The following FHIP1A variants were observed in gnomAD, a reference collection of about 807,000 sequenced individuals.
FHIP1A encodes FHF complex subunit HOOK interacting protein 1A.
FHIP1A carries 61 observed loss-of-function variants against 88.6 expected under a neutral mutation model. The observed-to-expected ratio is 0.69, with a 90% CI of 0.56 to 0.85. The LOEUF (loss-of-function observed/expected upper bound fraction) is 0.85. Ranked by LOEUF, FHIP1A falls within the 40% of genes least tolerant of loss-of-function variation. The pLI, the probability that FHIP1A is intolerant of heterozygous loss-of-function variation, is 0.00. For missense variants in FHIP1A, 1,154 were observed against 1,273.5 expected (o/e 0.91, Z 1.43); for synonymous variants, 478 against 496.0 (o/e 0.96, Z 0.48).
At chr4:151,613,649 G>C (rs773562095) in intron 7 of FHIP1A, among the ~76,000 whole-genome samples, 1 of 152,242 alleles carries the variant, frequency 6.6e-6, no homozygotes, top group African/African-American at 2.4e-5. Context: ...CACCTGTGTA[G>C]TGTAGTTGTA....
At chr4:151,637,036 A>G (rs1259762946) in intron 8 of FHIP1A, among the ~76,000 whole-genome samples, 1 of 152,196 alleles carries the variant, frequency 6.6e-6, no homozygotes, top group Non-Finnish European at 1.5e-5. Flanking sequence ...ATTAATTTTC[A>G]ACAAGATTTC....
intron 7 of FHIP1A, among the ~76,000 whole-genome samples, chr4:151,624,603 A>G (rs1735881190): frequency 1.3e-5 from 2 of 152,172 alleles, no homozygotes; most frequent in Non-Finnish European, 2.9e-5. Context: ...AAGGGCAGAG[A>G]TTGGCTTTTA....
chr4:151,436,292 T>C (rs2709813), intron 1 of FHIP1A: 79,058 of 151,962 alleles, frequency 0.52, 20,868 homozygotes, highest in African/African-American at 0.55. Context: ...TTACATTAAA[T>C]AGAATCTTTT....
chr4:151,526,617 T>TC (rs1360655072), intron 3 of FHIP1A, among the ~76,000 whole-genome samples: 3 of 85,686 alleles, frequency 3.5e-5, no homozygotes, highest in African/African-American at 1.4e-4. Flanking sequence ...GAGGGGCTGA[T>TC]CCCCCCACCT....
At chr4:151,652,611 A>G (rs1170565677) in intron 11 of FHIP1A, among the ~76,000 whole-genome samples, 1 of 152,198 alleles carries the variant, frequency 6.6e-6, no homozygotes. Flanking sequence ...AAAGAAGTGT[A>G]CTCTTAGTGG....
At chr4:151,474,600 GT>G (rs1729635512) in intron 2 of FHIP1A, among the ~76,000 whole-genome samples, 1 of 152,316 alleles carries the variant, frequency 6.6e-6, no homozygotes, top group African/African-American at 2.4e-5. Flanking sequence ...AGAGCAAATA[GT>G]TTTTTCAAAG....
Position 151,656,134 on chromosome 4 carries a change from G to T in FHIP1A, c.2552-98G>T. On this transcript the variant is annotated intron_variant, in intron 11 of 13. Transcript: ENST00000435205. The surrounding 1 kb of genome is among the most constrained non-coding windows in gnomAD (Gnocchi z 4.2). ...GTCTGGCTTGCACCTGTGGGCCCAT[G>T]GTGGTTTGGGAGATGTGGCACCGAT... 2.1e-6 allele frequency: 2 copies of T among 954,752 alleles called. No individual in the cohort carries two copies. The highest frequency in any genetic ancestry group is 2.3e-5 in the Admixed American group (1 of 43,722). The allele number at this position is 954,752 out of a possible 1,614,324, so 59.1% of individuals were successfully genotyped here. A position where few individuals can be genotyped will look rare whatever the true frequency, so the allele number is the denominator to read the frequency against.
In FHIP1A at chr4:151,668,297, C is replaced by T. The variant is rs1471262505; in HGVS notation, c.*5543C>T. The stretch of plus-strand genomic sequence containing the variant: ...CAATAGTCACCATGTGGAAACTATG[C>T]AACTAAATTCAATGGAAATGAAAGA... On this transcript the variant is annotated 3_prime_UTR_variant, in exon 14 of 14. Transcript: ENST00000435205. 2.6e-5 allele frequency among the ~76,000 whole-genome samples: 4 copies of T among 152,066 alleles called. No homozygotes were observed. The highest frequency in any genetic ancestry group is 4.4e-5 in the Non-Finnish European group (3 of 68,034).
At chr4:151,472,174 A>G (rs1729538730) in intron 2 of FHIP1A, among the ~76,000 whole-genome samples, 1 of 152,166 alleles carries the variant, frequency 6.6e-6, no homozygotes, top group Non-Finnish European at 1.5e-5. Context: ...CTTATTGTTT[A>G]TTGAAAAACA....
At chr4:151,559,993 A>G (rs539631535) in intron 3 of FHIP1A, among the ~76,000 whole-genome samples, 4 of 152,318 alleles carry the variant, frequency 2.6e-5, no homozygotes, top group Admixed American at 2.0e-4. Context: ...TGGTTTTACC[A>G]TGAATGCATC....
At chr4:151,512,138 G>A (rs1445719933) in intron 3 of FHIP1A, among the ~76,000 whole-genome samples, 4 of 152,208 alleles carry the variant, frequency 2.6e-5, no homozygotes, top group African/African-American at 4.8e-5. Context: ...ACGAAAATCC[G>A]CTCTTCTGCA....
At chr4:151,558,483 C>T (rs574959896) in intron 3 of FHIP1A, among the ~76,000 whole-genome samples, 2 of 152,156 alleles carry the variant, frequency 1.3e-5, no homozygotes, top group East Asian at 1.9e-4. Context: ...TGCAGTGAAC[C>T]GAGATGCGTC....
intron 4 of FHIP1A, among the ~76,000 whole-genome samples, chr4:151,570,456 T>A (rs911299029): frequency 6.4e-5 from 9 of 141,220 alleles, no homozygotes; most frequent in African/African-American, 2.2e-4. Flanking sequence ...TAATTACTTA[T>A]ATTTTTAGAG....
intron 3 of FHIP1A, among the ~76,000 whole-genome samples, chr4:151,528,795 CTTTGT>C (rs1731772179): frequency 6.6e-6 from 1 of 152,118 alleles, no homozygotes; most frequent in Non-Finnish European, 1.5e-5. Flanking sequence ...CAACATTTGG[CTTTGT>C]TTCAGTCTTA....
chr4:151,449,976 C>T (rs759144678), intron 1 of FHIP1A, among the ~76,000 whole-genome samples: 1 of 151,852 alleles, frequency 6.6e-6, no homozygotes, highest in Non-Finnish European at 1.5e-5. Flanking sequence ...GTTTTATCAG[C>T]CTTAAATATT....
chr4:151,420,460 C>A (rs1354540879), intron 1 of FHIP1A, among the ~76,000 whole-genome samples: 1 of 152,192 alleles, frequency 6.6e-6, no homozygotes. Flanking sequence ...TTTGTTGAGA[C>A]CAGTCCTTCC....
At chr4:151,414,229 T>A (rs1196277411) in intron 1 of FHIP1A, among the ~76,000 whole-genome samples, 1 of 152,062 alleles carries the variant, frequency 6.6e-6, no homozygotes, top group Non-Finnish European at 1.5e-5. Context: ...TTTTGTATTT[T>A]TTTAGTAGAG....
chr4:151,565,752 G>A (rs1018295882), intron 3 of FHIP1A, among the ~76,000 whole-genome samples: 3 of 151,220 alleles, frequency 2.0e-5, no homozygotes, highest in African/African-American at 4.9e-5. Context: ...AAATAATTGC[G>A]GTTTTTGCCC....
intron 11 of FHIP1A, among the ~76,000 whole-genome samples, chr4:151,652,143 A>G (rs1030624818): frequency 6.6e-6 from 1 of 152,174 alleles, no homozygotes; most frequent in African/African-American, 2.4e-5. Context: ...TAAATAGAGG[A>G]AAGAAAGTAT....
Sources: allele counts gnomAD v4.1 joint callset (sites outside exome capture counted in the v4.1 genomes callset), GRCh38; gene constraint gnomAD v4.1.1; non-coding constraint Gnocchi (gnomAD v3.1); transcripts MANE v1.5; gene names NCBI Gene and HGNC (gene_info 2026-07-23, HGNC 2026-07-21).